The following TLL1 variants were observed in gnomAD, a reference collection of about 807,000 sequenced individuals.
TLL1 encodes tolloid-like protein 1.
A neutral mutation model predicts 128.2 loss-of-function variants in TLL1; 49 were observed. The ratio of observed to expected loss-of-function variants is 0.38; its 90% confidence interval spans 0.30 to 0.48. TLL1 has a LOEUF of 0.48. Among genes scored for constraint, TLL1 ranks in the 20% least tolerant of loss-of-function variants. TLL1 has a pLI of 0.96. For synonymous variants in TLL1, 454 were observed against 418.8 expected (o/e 1.08, Z -1.03); for missense variants, 1,123 against 1,242.0 (o/e 0.90, Z 1.44).
intron 1 of TLL1, among the ~76,000 whole-genome samples, chr4:165,878,701 C>T (rs2110805940): frequency 6.6e-6 from 1 of 152,124 alleles, no homozygotes; most frequent in Non-Finnish European, 1.5e-5. Context: ...TAGTGTCATT[C>T]ACAAATTCAA....
chr4:165,991,332 A>G (rs73863516), intron 2 of TLL1, among the ~76,000 whole-genome samples: 2,496 of 152,136 alleles, frequency 0.016, 54 homozygotes, highest in African/African-American at 0.056. Context: ...TGAAAGTTCA[A>G]TAGTAACTTG....
intron 1 of TLL1, among the ~76,000 whole-genome samples, chr4:165,931,718 C>CAAAAAAAAAAAAAAGA (rs761214388): frequency 3.7e-5 from 5 of 133,540 alleles, no homozygotes; most frequent in East Asian, 4.5e-4. Context: ...GACTCTGTCT[C>CAAAAAAAAAAAAAAGA]AAAAGAAAAA....
chr4:165,920,648 G>C (rs762026281), intron 1 of TLL1, among the ~76,000 whole-genome samples: 3 of 152,128 alleles, frequency 2.0e-5, no homozygotes, highest in Non-Finnish European at 4.4e-5. Context: ...GTGAGAAAGT[G>C]ATGAAAGAAT....
chr4:165,919,154 G>A (rs775972295), intron 1 of TLL1, among the ~76,000 whole-genome samples: 3 of 152,024 alleles, frequency 2.0e-5, no homozygotes, highest in African/African-American at 4.8e-5. Context: ...GACCAAGGGA[G>A]GAGGATCACT....
At chr4:165,977,137 G>C (rs568710822) in intron 1 of TLL1, among the ~76,000 whole-genome samples, 1 of 152,238 alleles carries the variant, frequency 6.6e-6, no homozygotes, top group African/African-American at 2.4e-5. Context: ...AAATATAGGC[G>C]ATATGGTTGG....
At chr4:165,899,207 T>C (rs1731835860) in intron 1 of TLL1, among the ~76,000 whole-genome samples, 1 of 152,056 alleles carries the variant, frequency 6.6e-6, no homozygotes, top group African/African-American at 2.4e-5. Context: ...GGTTTTTGTG[T>C]CTCTATTTCC....
At chr4:165,892,795 C>G (rs1300128043) in intron 1 of TLL1, among the ~76,000 whole-genome samples, 1 of 152,140 alleles carries the variant, frequency 6.6e-6, no homozygotes, top group Non-Finnish European at 1.5e-5. Flanking sequence ...GACTCTCTTA[C>G]CCTTTAAACT....
intron 7 of TLL1, 52 bp downstream of exon 7, chr4:166,008,100 G>C: frequency 1.5e-6 from 2 of 1,339,504 alleles, no homozygotes; most frequent in Non-Finnish European, 2.1e-6. Context: ...CCTCCATGTG[G>C]CTCCTCACAA....
intron 1 of TLL1, among the ~76,000 whole-genome samples, chr4:165,980,155 GT>G (rs1420601588): frequency 2.3e-5 from 3 of 130,964 alleles, no homozygotes; most frequent in African/African-American, 1.4e-4. Context: ...TTCTTCACAT[GT>G]TTTTATTTAT....
chr4:165,952,776 G>A (rs1444504921), intron 1 of TLL1, among the ~76,000 whole-genome samples: 1 of 151,962 alleles, frequency 6.6e-6, no homozygotes, highest in Middle Eastern at 3.4e-3. Context: ...GGCTGGGGGG[G>A]TAATCAATGT....
intron 12 of TLL1, among the ~76,000 whole-genome samples, chr4:166,046,342 A>G (rs1273084662): frequency 6.6e-6 from 1 of 152,182 alleles, no homozygotes; most frequent in African/African-American, 2.4e-5. Flanking sequence ...GACTGACTTT[A>G]GACTAGAGAC....
chr4:166,026,574 C>A (rs529255030), intron 9 of TLL1, among the ~76,000 whole-genome samples: 1 of 152,276 alleles, frequency 6.6e-6, no homozygotes, highest in African/African-American at 2.4e-5. Flanking sequence ...GTAATCCCAG[C>A]TTCTCGAGAG....
chr4:166,003,348 C>T (rs769049621), intron 5 of TLL1, 43 bp from the exon 6 acceptor site: 2 of 1,606,762 alleles, frequency 1.2e-6, no homozygotes, highest in East Asian at 4.5e-5. Context: ...AGTTGTCCAG[C>T]ACCACCTTTC....
chr4:166,063,949 A>T (rs1740457746), intron 15 of TLL1, among the ~76,000 whole-genome samples: 2 of 151,956 alleles, frequency 1.3e-5, no homozygotes, highest in Non-Finnish European at 1.5e-5. Flanking sequence ...TACGTATGTA[A>T]CAAACTTCAC....
At chr4:165,944,748 A>C (rs1579521019) in intron 1 of TLL1, among the ~76,000 whole-genome samples, 2 of 152,178 alleles carry the variant, frequency 1.3e-5, no homozygotes, top group African/African-American at 4.8e-5. Flanking sequence ...GGAAAAAAAT[A>C]AGATTGAAAC....
chr4:166,044,401 G>A (rs866691907), intron 12 of TLL1: 6 of 1,535,526 alleles, frequency 3.9e-6, no homozygotes, highest in Non-Finnish European at 8.7e-7. Flanking sequence ...TGCCAGTAAA[G>A]CCAGAGAATC....
chr4:165,974,017 TTTTCATCCCATGTGTCTGGG>T (rs1456031755), intron 1 of TLL1, among the ~76,000 whole-genome samples: 1 of 151,938 alleles, frequency 6.6e-6, no homozygotes, highest in Non-Finnish European at 1.5e-5. Flanking sequence ...AGATTATATT[TTTTCATCCCATGTGTCTGGG>T]TTTCAAAGTA....
At chr4:165,928,617 A>G (rs1342841994) in intron 1 of TLL1, among the ~76,000 whole-genome samples, 1 of 152,222 alleles carries the variant, frequency 6.6e-6, no homozygotes, top group Non-Finnish European at 1.5e-5. Context: ...CTGAATAAAA[A>G]TATTCTTTTT....
intron 1 of TLL1, among the ~76,000 whole-genome samples, chr4:165,953,325 T>G (rs1018217918): frequency 6.6e-6 from 1 of 152,068 alleles, no homozygotes; most frequent in Non-Finnish European, 1.5e-5. Context: ...TACAGCCAGA[T>G]GGACAGCCTG....
Sources: gnomAD v4.1 joint callset for allele counts (sites outside exome capture counted in the v4.1 genomes callset) on GRCh38, gnomAD v4.1.1 for gene constraint, MANE v1.5 for transcripts, NCBI Gene and HGNC (gene_info 2026-07-23, HGNC 2026-07-21) for gene names.